Variants in PXT1 observed in about 807,000 individuals in gnomAD.
The protein encoded by PXT1 is peroxisomal testis enriched protein 1.
PXT1 carries 11 observed loss-of-function variants against 11.0 expected under a neutral mutation model. The observed-to-expected ratio is 1.00, with a 90% CI of 0.63 to 1.66. The LOEUF is 1.66. Ranked by LOEUF, PXT1 falls within the 40% of genes most tolerant of loss-of-function variation. The probability of loss-of-function intolerance (pLI) is 0.00; values close to 1 mark genes in which losing one functional copy is unlikely to be tolerated. For missense variants in PXT1, 141 were observed against 155.5 expected, an observed-to-expected ratio of 0.91 and a Z score of 0.49; for synonymous variants, 43 against 51.4, an observed-to-expected ratio of 0.84 and a Z score of 0.70.
At chr6:36,402,164 A>G (rs1183972737) in intron 3 of PXT1, among the ~76,000 whole-genome samples, 1 of 151,996 alleles carries the variant, frequency 6.6e-6, no homozygotes, top group Admixed American at 6.6e-5. Context: ...TCCAAACTTT[A>G]TTTGCTTCCA....
chr6:36,417,992 C>A (rs918446286), intron 3 of PXT1, among the ~76,000 whole-genome samples: 3 of 151,444 alleles, frequency 2.0e-5, no homozygotes, highest in African/African-American at 4.9e-5. Flanking sequence ...GTCAGGAGAT[C>A]GAGACCATCC....
At chr6:36,391,907 T>G (rs375272428) in intron 4 of PXT1, 33 bp from the exon 5 acceptor site, 113 of 997,644 alleles carry the variant, frequency 1.1e-4, no homozygotes, top group Admixed American at 3.5e-4. Context: ...AGAGAAAGGT[T>G]TTTTTTTTTT....
intron 3 of PXT1, among the ~76,000 whole-genome samples, chr6:36,416,388 C>T (rs1774447920): frequency 6.6e-6 from 1 of 152,090 alleles, no homozygotes; most frequent in South Asian, 2.1e-4. Context: ...AAAAAGAAAA[C>T]TGACTGGACC....
intron 3 of PXT1, among the ~76,000 whole-genome samples, chr6:36,404,573 T>C (rs1774260039): frequency 6.6e-6 from 1 of 152,006 alleles, no homozygotes; most frequent in South Asian, 2.1e-4. Flanking sequence ...TCACCTGCCT[T>C]GGCCTTCCTA....
intron 3 of PXT1, among the ~76,000 whole-genome samples, chr6:36,414,693 T>G (rs1774424078): frequency 6.6e-6 from 1 of 152,168 alleles, no homozygotes. Flanking sequence ...ACCTTTGGAA[T>G]GCTGACACAA....
At chr6:36,404,957 C>CA (rs1304759111) in intron 3 of PXT1, among the ~76,000 whole-genome samples, 1 of 151,108 alleles carries the variant, frequency 6.6e-6, no homozygotes, top group African/African-American at 2.4e-5. Context: ...ACTCTGGCTC[C>CA]AAAAAAAAGA....
chr6:36,434,918 T>C (rs1015304809), intron 2 of PXT1, among the ~76,000 whole-genome samples: 12 of 152,248 alleles, frequency 7.9e-5, no homozygotes, highest in African/African-American at 2.9e-4. Flanking sequence ...TTTCTCTTTA[T>C]GCCTCTTTTA....
intron 3 of PXT1, among the ~76,000 whole-genome samples, chr6:36,420,799 T>A (rs1345777946): frequency 6.6e-6 from 1 of 152,210 alleles, no homozygotes; most frequent in Non-Finnish European, 1.5e-5. Context: ...ACACTTGTAA[T>A]CCCAGCACTT....
chr6:36,435,282 G>A (rs1302675541), intron 2 of PXT1, among the ~76,000 whole-genome samples: 1 of 152,170 alleles, frequency 6.6e-6, no homozygotes. Context: ...ACCAGGCCAG[G>A]TGCAATGGCT....
intron 2 of PXT1, among the ~76,000 whole-genome samples, chr6:36,432,977 T>A (rs895969885): frequency 6.6e-6 from 1 of 151,926 alleles, no homozygotes; most frequent in Non-Finnish European, 1.5e-5. Flanking sequence ...GACATATTGG[T>A]GGCTCCCATA....
intron 2 of PXT1, among the ~76,000 whole-genome samples, chr6:36,433,622 A>G (rs188369966): frequency 2.6e-5 from 4 of 151,922 alleles, no homozygotes; most frequent in Admixed American, 2.6e-4. Flanking sequence ...GATCGAGACC[A>G]TCCTGGCTAA....
intron 3 of PXT1, among the ~76,000 whole-genome samples, chr6:36,405,267 T>G (rs185161600): frequency 6.6e-6 from 1 of 152,286 alleles, no homozygotes; most frequent in Admixed American, 6.5e-5. Flanking sequence ...TGTACAGCTA[T>G]AGAATGTGTT....
At chr6:36,427,048 C>T (rs1774619176) in intron 2 of PXT1, among the ~76,000 whole-genome samples, 2 of 147,188 alleles carry the variant, frequency 1.4e-5, no homozygotes, top group South Asian at 2.1e-4. Flanking sequence ...CTTGCTCTGT[C>T]GCCCAGGCTG....
chr6:36,427,719 T>A (rs1774627939), intron 2 of PXT1, among the ~76,000 whole-genome samples: 1 of 151,874 alleles, frequency 6.6e-6, no homozygotes, highest in African/African-American at 2.4e-5. Context: ...TTAAGTCAAG[T>A]CTTCAAAATC....
In PXT1 at chr6:36,441,800, A is replaced by C. The variant is rs116749304; in HGVS notation, c.-130+735T>G. 5.2e-3 allele frequency among the ~76,000 whole-genome samples: 797 copies of C among 152,334 alleles called. 5 individuals carry two copies. The highest frequency in any genetic ancestry group is 0.018 in the African/African-American group (738 of 41,572). ...AAAAAATTTATGTCTTCAGTTTTGA[A>C]AATTAAATTTTTTGACCCTGATAAA... On this transcript the variant is annotated intron_variant, in intron 1 of 4. Transcript: ENST00000454782.
intron 4 of PXT1, among the ~76,000 whole-genome samples, chr6:36,396,562 C>T (rs920901002): frequency 5.9e-5 from 9 of 152,218 alleles, no homozygotes; most frequent in Non-Finnish European, 1.2e-4. Flanking sequence ...GGTGGGTCCC[C>T]AGTGAGACCC....
intron 2 of PXT1, among the ~76,000 whole-genome samples, chr6:36,434,554 A>T (rs1194857205): frequency 6.6e-6 from 1 of 152,260 alleles, no homozygotes; most frequent in Non-Finnish European, 1.5e-5. Context: ...ATCGTAATGG[A>T]ACATTAATGA....
intron 3 of PXT1, among the ~76,000 whole-genome samples, chr6:36,424,869 G>A (rs948183664): frequency 6.6e-6 from 1 of 152,014 alleles, no homozygotes; most frequent in East Asian, 1.9e-4. Flanking sequence ...GCAGTGAACC[G>A]AGACTGTACC....
At chr6:36,439,614 AAACAAC>A (rs939904030) in intron 1 of PXT1, among the ~76,000 whole-genome samples, 1 of 147,856 alleles carries the variant, frequency 6.8e-6, no homozygotes, top group African/African-American at 2.5e-5. Context: ...CTCCATCTCA[AAACAAC>A]AACAACAACA....
Sources: allele counts gnomAD v4.1 joint callset (sites outside exome capture counted in the v4.1 genomes callset), GRCh38; gene constraint gnomAD v4.1.1; transcripts MANE v1.5; gene names NCBI Gene and HGNC (gene_info 2026-07-23, HGNC 2026-07-21).